Variants in UGT2A3 observed in about 807,000 individuals in gnomAD.
UGT2A3 encodes the protein UDP-glucuronosyltransferase 2A3.
Under a neutral mutation model 44.1 loss-of-function variants are expected in UGT2A3, and 55 were observed. That is an observed-to-expected ratio of 1.25 (90% CI 1.00 to 1.56). The LOEUF (loss-of-function observed/expected upper bound fraction) is 1.56, where lower values mean the gene tolerates loss of function less well. UGT2A3 is among the 40% of genes most tolerant of loss of function. UGT2A3 has a pLI of 0.00. For missense variants in UGT2A3, 733 were observed against 621.6 expected, an observed-to-expected ratio of 1.18 and a Z score of -1.91; for synonymous variants, 243 against 215.1, an observed-to-expected ratio of 1.13 and a Z score of -1.13.
At chr4:68,938,324 C>T (rs1437785911) in intron 2 of UGT2A3, among the ~76,000 whole-genome samples, 8 of 151,988 alleles carry the variant, frequency 5.3e-5, no homozygotes, top group Non-Finnish European at 8.8e-5. Context: ...ACTGGCAAAC[C>T]GAATCCAGCT....
chr4:68,939,168 T>C (rs1055767553), intron 2 of UGT2A3, among the ~76,000 whole-genome samples: 9 of 152,164 alleles, frequency 5.9e-5, no homozygotes, highest in South Asian at 2.1e-4. Context: ...AAGCTACCGA[T>C]GGCTTTCTTC....
chr4:68,943,257 AG>A lies in UGT2A3; in HGVS notation c.864+2048del. On this transcript the variant is annotated intron_variant, in intron 2 of 5. Coordinates refer to ENST00000251566, the MANE Select transcript of UGT2A3 (RefSeq NM_024743.4). ...TGTAAAACTGGGAGTGTGGGAATAAAGGGTAGAATGGCATGGGAGATTACCT... is the reference window on the plus strand; with the variant it reads ...TGTAAAACTGGGAGTGTGGGAATAAAGGTAGAATGGCATGGGAGATTACCT... The A allele has an allele frequency of 4.6e-6, 5 of 1,089,910 alleles. 1 individual carries two copies. The South Asian group carries it at 7.2e-5, about 16-fold the overall frequency. The allele number at this position is 1,089,910 out of a possible 1,614,324, so 67.5% of individuals were successfully genotyped here.
intron 1 of UGT2A3, 113 bp from the exon 2 acceptor site, chr4:68,945,567 C>A: frequency 1.4e-6 from 1 of 691,182 alleles, no homozygotes; most frequent in Non-Finnish European, 2.1e-6. Context: ...TCTAGAACAA[C>A]ATGGCTTTTA....
intron 2 of UGT2A3, among the ~76,000 whole-genome samples, chr4:68,938,300 A>C (rs183731206): frequency 6.6e-6 from 1 of 152,078 alleles, no homozygotes; most frequent in Admixed American, 6.6e-5. Context: ...CACTGCAAAA[A>C]CCCTCAATAA....
intron 2 of UGT2A3, among the ~76,000 whole-genome samples, chr4:68,935,820 G>T (rs1717930875): frequency 6.6e-6 from 1 of 151,950 alleles, no homozygotes; most frequent in South Asian, 2.1e-4. Flanking sequence ...CTTGAGAAAA[G>T]GTTAGACAAA....
At chr4:68,950,930 C>A in intron 1 of UGT2A3, 116 bp downstream of exon 1, 1 of 702,930 alleles carries the variant, frequency 1.4e-6, no homozygotes, top group South Asian at 3.1e-5. Context: ...AAAACAGCTA[C>A]AACATTTTCT....
At chr4:68,936,111 A>C (rs547089599) in intron 2 of UGT2A3, among the ~76,000 whole-genome samples, 1 of 152,240 alleles carries the variant, frequency 6.6e-6, no homozygotes, top group East Asian at 1.9e-4. Context: ...TGTGATGGAG[A>C]GAATGGAACC....
In UGT2A3 at chr4:68,931,868, T is replaced by G. The variant is rs1161645334; in HGVS notation, c.997-626A>C. Reference sequence around the variant, plus strand: ...GACACCTATACAAATTTTATACATTTGAAAACAAAGAACGGCATAGATGTT... The same window carrying G: ...GACACCTATACAAATTTTATACATTGGAAAACAAAGAACGGCATAGATGTT... On this transcript the variant is annotated intron_variant, in intron 3 of 5. Transcript: ENST00000251566. 5.9e-5 allele frequency among the ~76,000 whole-genome samples: 9 copies of G among 152,160 alleles called. No homozygotes were observed. In the East Asian group the frequency reaches 1.7e-3, roughly 29 times the overall value.
At chr4:68,948,771 C>T (rs1202442728) in intron 1 of UGT2A3, among the ~76,000 whole-genome samples, 1 of 151,810 alleles carries the variant, frequency 6.6e-6, no homozygotes, top group Non-Finnish European at 1.5e-5. Context: ...CTGTTTGGTG[C>T]AATGGTGTAG....
In UGT2A3 at chr4:68,930,555, G is replaced by T. The variant is rs1415896772; in HGVS notation, c.1295C>A (p.Thr432Asn). Residue 432 changes from threonine to asparagine, a missense_variant, in exon 5 of 6, where the codon ACC (threonine) becomes AAC (asparagine). Transcript: ENST00000251566. ...DLLRALRTVI[T>N]DSSYKENAMR... ...AAGCAGTAGTACTTACGAGGAATCG[G>T]TAATGACTGTTCTCAAAGCCCTCAG... is the stretch of plus-strand genomic sequence containing the variant. The T allele has an allele frequency of 5.0e-6, 8 of 1,609,236 alleles. No homozygotes were observed. The African/African-American group carries it at 8.0e-5, about 16-fold the overall frequency.
At position 68,931,187 on chromosome 4, in the gene UGT2A3, A is replaced by C; in HGVS notation, c.1052T>G (p.Leu351Arg). Reference sequence around the variant, plus strand: ...ATCATTCTGGGGTATCCAATCATACAGCCGAGTATTGGCTCCTAATGTGGA... The same window carrying C: ...ATCATTCTGGGGTATCCAATCATACCGCCGAGTATTGGCTCCTAATGTGGA... ...KPSTLGANTR[L>R]YDWIPQNDLL... Residue 351 changes from leucine (L) to arginine (R), a missense_variant, in exon 4 of 6, where the codon CTG becomes CGG. By Grantham distance (102) the Leu-to-Arg change is moderately radical. Coordinates refer to ENST00000251566, the MANE Select transcript of UGT2A3 (RefSeq NM_024743.4). The C allele has an allele frequency of 6.2e-7, 1 of 1,613,060 alleles. No homozygotes were observed. The highest frequency in any genetic ancestry group is 8.5e-7 in the Non-Finnish European group (1 of 1,179,368).
In UGT2A3 at chr4:68,945,357, G is replaced by T; in HGVS notation, c.813C>A (p.Asn271Lys). The T allele has an allele frequency of 6.2e-7, 1 of 1,611,470 alleles. No homozygotes were observed. Among genetic ancestry groups the T allele is most frequent in the Non-Finnish European group, 8.5e-7 (1 of 1,178,528 alleles). Residue 271 changes from asparagine (N) to lysine (K), a missense_variant, in exon 2 of 6, where the codon AAC becomes AAA. Transcript: ENST00000251566. ...AGTGCAATCCTCCAACAAACTCAAA[G>T]TTAGGTTGGTATGGTTGAGGAAATT... ...DFEFPQPYQPNFEFVGGLHCK... is the reference protein window; with the variant it reads ...DFEFPQPYQPKFEFVGGLHCK...
intron 1 of UGT2A3, 98 bp downstream of exon 1, chr4:68,950,948 C>T (rs576967893): frequency 2.5e-5 from 20 of 810,878 alleles, no homozygotes; most frequent in East Asian, 2.3e-4. Context: ...TCTAAAAAAA[C>T]TCATTGACCT....
intron 2 of UGT2A3, among the ~76,000 whole-genome samples, chr4:68,938,655 C>G (rs537398085): frequency 1.3e-5 from 2 of 152,240 alleles, no homozygotes; most frequent in South Asian, 2.1e-4. Context: ...GACAAAGATG[C>G]CTTCTCTCAC....
At chr4:68,945,735 A>AGAAG (rs3071535) in intron 1 of UGT2A3, among the ~76,000 whole-genome samples, 3 of 148,876 alleles carry the variant, frequency 2.0e-5, no homozygotes, top group African/African-American at 7.4e-5. Flanking sequence ...AAGGAAGGAA[A>AGAAG]GAAGGAAGGA....
chr4:68,944,772 A>G (rs1387059956), intron 2 of UGT2A3, among the ~76,000 whole-genome samples: 1 of 151,828 alleles, frequency 6.6e-6, no homozygotes, highest in Non-Finnish European at 1.5e-5. Flanking sequence ...ATCACAAACA[A>G]GATGACTTCT....
chr4:68,931,779 C>G (rs572189111), intron 3 of UGT2A3, among the ~76,000 whole-genome samples: 2 of 152,008 alleles, frequency 1.3e-5, no homozygotes, highest in East Asian at 1.9e-4. Flanking sequence ...TACTTATGTT[C>G]CACTGTTCAA....
Position 68,951,091 on chromosome 4 carries a change from C to A in UGT2A3, c.670G>T (p.Asp224Tyr), listed in dbSNP as rs375056791. ...TCTTCCCAAAAATGATAGTCGTAAT[C>A]CTGAATCCAGAAGTGGAACAAAACT... is the stretch of plus-strand genomic sequence containing the variant. ...LSVLFHFWIQ[D>Y]YDYHFWEEFY... Residue 224 changes from aspartate to tyrosine, a missense_variant, in exon 1 of 6, where the codon GAT (aspartate) becomes TAT (tyrosine). Physicochemically the swap from Asp to Tyr is radical, Grantham distance 160. Coordinates refer to ENST00000251566, the MANE Select transcript of UGT2A3 (RefSeq NM_024743.4). 11 of 1,607,616 alleles carry A rather than the reference C, an allele frequency of 6.8e-6. No individual in the cohort carries two copies. The highest frequency in any genetic ancestry group is 5.1e-5 in the Admixed American group (3 of 58,854).
At chr4:68,930,426 T>C (rs1717686140) in intron 5 of UGT2A3, 120 bp downstream of exon 5, 2 of 958,664 alleles carry the variant, frequency 2.1e-6, no homozygotes. Flanking sequence ...AGGTGATGAA[T>C]GACTCAATAT....
Sources: gnomAD v4.1 joint callset for allele counts (sites outside exome capture counted in the v4.1 genomes callset) on GRCh38, gnomAD v4.1.1 for gene constraint, MANE v1.5 for transcripts, NCBI Gene and HGNC (gene_info 2026-07-23, HGNC 2026-07-21) for gene names.